The following ADK variants were observed in gnomAD, a reference collection of about 807,000 sequenced individuals.
The protein encoded by ADK is N6,N6-dimethyladenosine kinase.
In ADK, 24 loss-of-function variants were observed where a neutral mutation model predicts 44.7. The observed-to-expected ratio is 0.54, with a 90% CI of 0.39 to 0.76. ADK has a LOEUF of 0.76. Among genes scored for constraint, ADK ranks in the 30% least tolerant of loss-of-function variants. ADK has a pLI of 0.00. For synonymous variants in ADK, 128 were observed against 142.6 expected (o/e 0.90, Z 0.73); for missense variants, 321 against 425.1 (o/e 0.76, Z 2.15).
chr10:74,268,045 A>G (rs2132398466), intron 3 of ADK, among the ~76,000 whole-genome samples: 2 of 152,216 alleles, frequency 1.3e-5, no homozygotes, highest in East Asian at 3.9e-4. Context: ...TTTCTTTGCC[A>G]GGTATGGTGG....
intron 6 of ADK, among the ~76,000 whole-genome samples, chr10:74,424,390 C>T (rs530621850): frequency 2.6e-5 from 4 of 151,584 alleles, no homozygotes; most frequent in Admixed American, 6.6e-5. Context: ...CAAAATTAGC[C>T]GGGCATGGCA....
chr10:74,534,886 A>G (rs548134040), intron 7 of ADK, among the ~76,000 whole-genome samples: 4 of 152,322 alleles, frequency 2.6e-5, no homozygotes, highest in Non-Finnish European at 5.9e-5. Flanking sequence ...TTTGCTTACA[A>G]AAGTTAATTA....
At chr10:74,400,952 C>T (rs1423073112) in intron 6 of ADK, among the ~76,000 whole-genome samples, 2 of 152,194 alleles carry the variant, frequency 1.3e-5, no homozygotes, top group Non-Finnish European at 2.9e-5. Flanking sequence ...TGGAAACCTT[C>T]CTGACTGAAA....
intron 3 of ADK, among the ~76,000 whole-genome samples, chr10:74,299,265 G>A (rs989149853): frequency 6.6e-6 from 1 of 151,376 alleles, no homozygotes; most frequent in African/African-American, 2.4e-5. Flanking sequence ...AGGCTGAGGT[G>A]GGCAGATCAC....
At chr10:74,442,325 C>G (rs1845444509) in intron 6 of ADK, among the ~76,000 whole-genome samples, 1 of 152,066 alleles carries the variant, frequency 6.6e-6, no homozygotes, top group African/African-American at 2.4e-5. Context: ...ACTATATAAT[C>G]CAACAATCTC....
intron 6 of ADK, among the ~76,000 whole-genome samples, chr10:74,505,370 T>C (rs920117520): frequency 6.6e-6 from 1 of 152,184 alleles, no homozygotes; most frequent in African/African-American, 2.4e-5. Context: ...GCACTACTTA[T>C]TCTACATCTT....
chr10:74,634,748 C>A lies in ADK; in HGVS notation c.877+34255C>A, dbSNP rs368572359. ...TTTCCTGAAGTCAGGAGTTCGAGAC[C>A]AGTCTGGCCAACATGGTGAAACCCC... is the stretch of plus-strand genomic sequence containing the variant. On this transcript the variant is annotated intron_variant, in intron 9 of 10. Transcript: ENST00000539909. 3.1e-4 allele frequency among the ~76,000 whole-genome samples: 47 copies of A among 152,020 alleles called. No homozygotes were observed. In the South Asian group the frequency reaches 8.9e-3, roughly 29 times the overall value.
chr10:74,364,084 A>G (rs1468371205), intron 4 of ADK, among the ~76,000 whole-genome samples: 1 of 152,218 alleles, frequency 6.6e-6, no homozygotes, highest in Non-Finnish European at 1.5e-5. Flanking sequence ...TTTTTGGTGT[A>G]TTATACATAA....
At chr10:74,434,924 G>A (rs1392616096) in intron 6 of ADK, among the ~76,000 whole-genome samples, 1 of 152,118 alleles carries the variant, frequency 6.6e-6, no homozygotes. Context: ...GAGCACCTGT[G>A]GTGAGTTGTT....
intron 4 of ADK, among the ~76,000 whole-genome samples, chr10:74,334,259 C>T (rs1374864541): frequency 2.0e-5 from 3 of 152,146 alleles, no homozygotes; most frequent in Non-Finnish European, 4.4e-5. Flanking sequence ...TTCTGACTGC[C>T]CTTTTTCCTG....
intron 1 of ADK, among the ~76,000 whole-genome samples, chr10:74,196,477 T>A (rs1177511327): frequency 6.6e-6 from 1 of 152,032 alleles, no homozygotes; most frequent in East Asian, 1.9e-4. Context: ...GAGGCGGAGT[T>A]TGCAGTGAAC....
At chr10:74,294,288 CTTTTTTTT>C (rs1215680885) in intron 3 of ADK, among the ~76,000 whole-genome samples, 1 of 145,624 alleles carries the variant, frequency 6.9e-6, no homozygotes, top group African/African-American at 2.5e-5. Context: ...TCTTTTCTTT[CTTTTTTTT>C]TTTTTTTGAG....
At chr10:74,226,693 T>C (rs1205905725) in intron 3 of ADK, among the ~76,000 whole-genome samples, 2 of 152,144 alleles carry the variant, frequency 1.3e-5, no homozygotes, top group Admixed American at 6.5e-5. Context: ...AACTGAGTCA[T>C]ATATATGTCC....
chr10:74,326,591 A>T (rs989209803), intron 4 of ADK, among the ~76,000 whole-genome samples: 1 of 152,138 alleles, frequency 6.6e-6, no homozygotes, highest in South Asian at 2.1e-4. Flanking sequence ...AGCCTGGGCA[A>T]CAGAGCAAGA....
chr10:74,547,683 G>GCCC (rs1157989471), intron 7 of ADK, among the ~76,000 whole-genome samples: 4 of 150,658 alleles, frequency 2.7e-5, no homozygotes, highest in African/African-American at 9.8e-5. Context: ...TTGAGACAGA[G>GCCC]TTTTGCTCTT....
chr10:74,378,071 A>G (rs1419406615), intron 4 of ADK, among the ~76,000 whole-genome samples: 9 of 149,418 alleles, frequency 6.0e-5, no homozygotes, highest in Admixed American at 5.3e-4. Flanking sequence ...TTTTTAATCT[A>G]TGAAATGGAG....
intron 10 of ADK, among the ~76,000 whole-genome samples, chr10:74,692,042 T>TA (rs1856007209): frequency 1.3e-5 from 2 of 152,228 alleles, no homozygotes; most frequent in South Asian, 4.1e-4. Flanking sequence ...TTTAAAAACT[T>TA]ACGTCTTCAC....
intron 1 of ADK, among the ~76,000 whole-genome samples, chr10:74,195,835 C>T (rs1322310035): frequency 2.6e-5 from 4 of 151,330 alleles, no homozygotes; most frequent in African/African-American, 7.3e-5. Context: ...TGCCACCACA[C>T]GCGGCTAATT....
intron 7 of ADK, among the ~76,000 whole-genome samples, chr10:74,574,262 C>T (rs949093313): frequency 4.6e-5 from 7 of 151,914 alleles, no homozygotes; most frequent in South Asian, 4.2e-4. Flanking sequence ...CATCCACCTC[C>T]GACATTGAAG....
Sources: allele counts gnomAD v4.1 joint callset (sites outside exome capture counted in the v4.1 genomes callset), GRCh38; gene constraint gnomAD v4.1.1; transcripts MANE v1.5; gene names NCBI Gene and HGNC (gene_info 2026-07-23, HGNC 2026-07-21).